The following CACNA2D3 variants were observed in gnomAD, a reference collection of about 807,000 sequenced individuals.
CACNA2D3 encodes calcium voltage-gated channel auxiliary subunit alpha2delta 3.
Under a neutral mutation model 160.6 loss-of-function variants are expected in CACNA2D3, and 60 were observed. The ratio of observed to expected loss-of-function variants is 0.37; its 90% CI spans 0.30 to 0.46. CACNA2D3 has a LOEUF of 0.46. CACNA2D3 is among the 20% of genes least tolerant of loss of function. The pLI is 1.00. For missense variants in CACNA2D3, 1,205 were observed against 1,365.0 expected (o/e 0.88, Z 1.85); for synonymous variants, 558 against 492.9 (o/e 1.13, Z -1.75).
At chr3:54,802,243 A>C (rs1187253339) in intron 13 of CACNA2D3, among the ~76,000 whole-genome samples, 2 of 152,146 alleles carry the variant, frequency 1.3e-5, no homozygotes, top group African/African-American at 4.8e-5. Context: ...GAGCTAGAGA[A>C]GGAAGGTGGA....
At chr3:54,925,106 C>A (rs1700975338) in intron 27 of CACNA2D3, 1 of 1,614,102 alleles carries the variant, frequency 6.2e-7, no homozygotes, top group East Asian at 2.2e-5. Context: ...CGGCCAGACC[C>A]TGCTGGCTGC....
At chr3:54,258,269 T>C (rs1702338969) in intron 2 of CACNA2D3, among the ~76,000 whole-genome samples, 1 of 152,226 alleles carries the variant, frequency 6.6e-6, no homozygotes. Context: ...AAGGATTCTG[T>C]GGACAGTAAA....
chr3:54,228,497 G>C (rs77673694), intron 2 of CACNA2D3, among the ~76,000 whole-genome samples: 1,643 of 152,348 alleles, frequency 0.011, 15 homozygotes, highest in Non-Finnish European at 0.018. Flanking sequence ...CCAGACTGTG[G>C]TGGGAACATG....
chr3:54,680,762 T>C (rs1425479735), intron 11 of CACNA2D3, among the ~76,000 whole-genome samples: 1 of 152,176 alleles, frequency 6.6e-6, no homozygotes, highest in Admixed American at 6.5e-5. Flanking sequence ...TTAAGACCTT[T>C]GGATGCTTGG....
chr3:54,878,832 CATTT>C (rs1699724794), intron 18 of CACNA2D3, 182 bp from the exon 19 acceptor site: 1 of 438,070 alleles, frequency 2.3e-6, no homozygotes, highest in Non-Finnish European at 4.0e-6. Flanking sequence ...AGATGAAGGT[CATTT>C]ATTTATTGTT....
At chr3:54,625,571 T>A (rs1179240558) in intron 9 of CACNA2D3, among the ~76,000 whole-genome samples, 1 of 152,228 alleles carries the variant, frequency 6.6e-6, no homozygotes, top group East Asian at 1.9e-4. Context: ...AAGGTTGCTA[T>A]GACAGTGGAG....
Position 54,193,187 on chromosome 3 carries a change from T to G in CACNA2D3, c.204+69593T>G, listed in dbSNP as rs146330584. Among the ~76,000 whole-genome samples the G allele has an allele frequency of 1.3e-3, 189 of 145,438 alleles. 1 individual carries two copies. The highest frequency in any genetic ancestry group is 5.2e-3 in the African/African-American group (184 of 35,318). On this transcript the variant is annotated intron_variant, in intron 2 of 37. Coordinates refer to ENST00000474759, the MANE Select transcript of CACNA2D3 (RefSeq NM_018398.3). ...GATACTTCCCAGTTATGTGGTGAGTTGGAACCTGGTTTCAGCCCAGGTGGT... is the reference window on the plus strand; with the variant it reads ...GATACTTCCCAGTTATGTGGTGAGTGGGAACCTGGTTTCAGCCCAGGTGGT...
At chr3:54,622,790 G>C (rs1003235553) in intron 9 of CACNA2D3, among the ~76,000 whole-genome samples, 3 of 152,150 alleles carry the variant, frequency 2.0e-5, no homozygotes, top group African/African-American at 7.2e-5. Flanking sequence ...TACCCTTGGG[G>C]TGTACATGGT....
intron 5 of CACNA2D3, among the ~76,000 whole-genome samples, chr3:54,525,077 G>A (rs556803287): frequency 5.9e-5 from 9 of 151,924 alleles, no homozygotes; most frequent in Non-Finnish European, 8.8e-5. Context: ...GATGTAGTAC[G>A]TCATATGTAT....
chr3:54,487,113 G>T (rs186937878), intron 4 of CACNA2D3, among the ~76,000 whole-genome samples: 4 of 152,226 alleles, frequency 2.6e-5, no homozygotes, highest in Admixed American at 2.6e-4. Context: ...CAAAAAGGCA[G>T]TCCTGCACTT....
chr3:54,279,069 A>G (rs1312279488), intron 2 of CACNA2D3, among the ~76,000 whole-genome samples: 1 of 152,214 alleles, frequency 6.6e-6, no homozygotes, highest in Non-Finnish European at 1.5e-5. Flanking sequence ...TCCTGCGACG[A>G]TACCTAATTC....
chr3:54,295,368 A>C (rs1703316538), intron 2 of CACNA2D3, among the ~76,000 whole-genome samples: 1 of 152,190 alleles, frequency 6.6e-6, no homozygotes. Flanking sequence ...GAATTTAGAA[A>C]GTTTATTTTG....
chr3:54,997,275 T>C (rs1702878915), intron 31 of CACNA2D3, among the ~76,000 whole-genome samples: 1 of 152,168 alleles, frequency 6.6e-6, no homozygotes, highest in South Asian at 2.1e-4. Context: ...GTGAGGTATA[T>C]CACATTCTAA....
intron 29 of CACNA2D3, among the ~76,000 whole-genome samples, chr3:54,983,898 G>C (rs886305735): frequency 2.0e-5 from 3 of 152,184 alleles, no homozygotes; most frequent in African/African-American, 7.2e-5. Flanking sequence ...AACTTAGCCT[G>C]TAGCAAATCA....
chr3:54,291,746 G>C (rs771367604), intron 2 of CACNA2D3, among the ~76,000 whole-genome samples: 9 of 152,128 alleles, frequency 5.9e-5, no homozygotes, highest in Non-Finnish European at 1.3e-4. Flanking sequence ...GGTGATGTCT[G>C]GTGGACATAG....
At chr3:54,683,992 CGG>C (rs1700403482) in intron 11 of CACNA2D3, among the ~76,000 whole-genome samples, 1 of 97,398 alleles carries the variant, frequency 1.0e-5, no homozygotes, top group Admixed American at 1.3e-4. Context: ...TTTTTTGAGA[CGG>C]AGTTTCACTC....
chr3:54,958,467 A>G (rs1375527515), intron 27 of CACNA2D3, among the ~76,000 whole-genome samples: 1 of 152,236 alleles, frequency 6.6e-6, no homozygotes, highest in Non-Finnish European at 1.5e-5. Flanking sequence ...CAACCTTGAT[A>G]GTCTTAGAAG....
intron 4 of CACNA2D3, among the ~76,000 whole-genome samples, chr3:54,486,755 AC>A (rs1701021444): frequency 6.6e-6 from 1 of 152,088 alleles, no homozygotes; most frequent in Admixed American, 6.6e-5. Flanking sequence ...CTGGAAAAGG[AC>A]TGTAATGGGC....
At chr3:54,755,153 G>A (rs570833886) in intron 12 of CACNA2D3, among the ~76,000 whole-genome samples, 6 of 152,262 alleles carry the variant, frequency 3.9e-5, no homozygotes, top group Admixed American at 6.5e-5. Context: ...TATCTTTTCC[G>A]TTTGAGGCTG....
Sources: gnomAD v4.1 joint callset for allele counts (sites outside exome capture counted in the v4.1 genomes callset) on GRCh38, gnomAD v4.1.1 for gene constraint, MANE v1.5 for transcripts, NCBI Gene and HGNC (gene_info 2026-07-23, HGNC 2026-07-21) for gene names.